RANBP2: variants seen among roughly 807,000 people sequenced by gnomAD.
RANBP2 encodes the protein RAN binding protein 2, also known as E3 SUMO-protein ligase RanBP2.
A neutral mutation model predicts 303.6 loss-of-function variants in RANBP2; 57 were observed. The ratio of observed to expected loss-of-function variants is 0.19; its 90% CI spans 0.15 to 0.23. RANBP2 has a LOEUF of 0.23. RANBP2 is among the 10% of genes least tolerant of loss of function. The probability of loss-of-function intolerance (pLI) is 1.00; values close to 1 mark genes in which losing one functional copy is unlikely to be tolerated. For missense variants in RANBP2, 3,138 were observed against 3,780.8 expected (o/e 0.83, Z 4.46); for synonymous variants, 1,167 against 1,301.5 (o/e 0.90, Z 2.23).
chr2:108,985,694 G>C, the RANBP2 span, among the ~76,000 whole-genome samples: 1 of 152,172 alleles, frequency 6.6e-6, no homozygotes. Flanking sequence ...TGGGCATCCA[G>C]CATTTGAGAA....
chr2:109,479,321 G>A, the RANBP2 span, among the ~76,000 whole-genome samples: 2 of 152,148 alleles, frequency 1.3e-5, no homozygotes, highest in Admixed American at 1.3e-4. Context: ...TTTTGTAGAG[G>A]GGGGCTAGTG....
chr2:109,483,323 C>T, the RANBP2 span, among the ~76,000 whole-genome samples: 1 of 152,236 alleles, frequency 6.6e-6, no homozygotes, highest in Non-Finnish European at 1.5e-5. Flanking sequence ...TCTAAAGTTT[C>T]CTGCAAGCCC....
At chr2:108,984,027 G>C in the RANBP2 span, among the ~76,000 whole-genome samples, 1 of 152,200 alleles carries the variant, frequency 6.6e-6, no homozygotes, top group Non-Finnish European at 1.5e-5. Flanking sequence ...TTCTTTCTCT[G>C]CACAACTTAT....
the RANBP2 span, among the ~76,000 whole-genome samples, chr2:108,938,391 C>T: frequency 6.6e-6 from 1 of 152,184 alleles, no homozygotes; most frequent in Admixed American, 6.5e-5. Flanking sequence ...CACTTGTACA[C>T]AGAACTGGGG....
At chr2:109,384,196 C>T in the RANBP2 span, among the ~76,000 whole-genome samples, 3,111 of 152,276 alleles carry the variant, frequency 0.02, 100 homozygotes, top group African/African-American at 0.071. Flanking sequence ...GCGCCGGCTG[C>T]GGGCCAGGCC....
chr2:109,502,570 C>A, the RANBP2 span: 1 of 152,078 alleles, frequency 6.6e-6, no homozygotes, highest in South Asian at 2.1e-4. Context: ...TGGGGGCTGG[C>A]GGGGTGGATC....
the RANBP2 span, among the ~76,000 whole-genome samples, chr2:109,108,108 T>C: frequency 6.6e-6 from 1 of 152,232 alleles, no homozygotes; most frequent in South Asian, 2.1e-4. Context: ...GGTTTCACCA[T>C]GTTAGCCAGG....
the RANBP2 span, among the ~76,000 whole-genome samples, chr2:108,902,062 A>G: frequency 6.6e-6 from 1 of 152,166 alleles, no homozygotes; most frequent in Non-Finnish European, 1.5e-5. Flanking sequence ...ACATGGTGAA[A>G]CCCCATATCT....
chr2:108,727,053 A>G (rs1024378153), intron 1 of RANBP2, among the ~76,000 whole-genome samples: 1 of 152,122 alleles, frequency 6.6e-6, no homozygotes, highest in Non-Finnish European at 1.5e-5. Context: ...AGACACGGCA[A>G]CCATCCGATT....
At chr2:109,569,596 A>T in the RANBP2 span, among the ~76,000 whole-genome samples, 1 of 152,172 alleles carries the variant, frequency 6.6e-6, no homozygotes, top group East Asian at 1.9e-4. Flanking sequence ...GATGGCAGAA[A>T]ACTTTCCAGC....
chr2:109,622,302 C>T, the RANBP2 span, among the ~76,000 whole-genome samples: 1 of 152,300 alleles, frequency 6.6e-6, no homozygotes, highest in South Asian at 2.1e-4. Flanking sequence ...TTGTGGGAAG[C>T]CCTAGTGGTA....
the RANBP2 span, among the ~76,000 whole-genome samples, chr2:109,299,614 G>A: frequency 9.9e-5 from 15 of 152,138 alleles, no homozygotes; most frequent in Admixed American, 7.2e-4. Flanking sequence ...CCTTGCATGA[G>A]CTCACAGGAA....
At chr2:109,667,165 C>A in the RANBP2 span, 1 of 1,326,726 alleles carries the variant, frequency 7.5e-7, no homozygotes, top group South Asian at 1.2e-5. Context: ...CATTTTAATT[C>A]ACTGCACATT....
chr2:109,216,897 T>G, the RANBP2 span, among the ~76,000 whole-genome samples: 1 of 152,226 alleles, frequency 6.6e-6, no homozygotes, highest in African/African-American at 2.4e-5. Flanking sequence ...TTCAGAACTC[T>G]TTTCGTCTTC....
At chr2:108,952,595 C>A in the RANBP2 span, among the ~76,000 whole-genome samples, 4 of 152,218 alleles carry the variant, frequency 2.6e-5, no homozygotes, top group African/African-American at 9.7e-5. Context: ...TGCTGAGATT[C>A]TCCATCTGTT....
chr2:109,511,084 CAGTTAACCAACTCGCCTCAGGA>C, the RANBP2 span, among the ~76,000 whole-genome samples: 1 of 152,184 alleles, frequency 6.6e-6, no homozygotes, highest in Non-Finnish European at 1.5e-5. Context: ...AGGCAGAGAG[CAGTTAACCAACTCGCCTCAGGA>C]AGGGGCAAAG....
the RANBP2 span, among the ~76,000 whole-genome samples, chr2:109,211,851 C>T: frequency 6.6e-6 from 1 of 152,148 alleles, no homozygotes; most frequent in East Asian, 1.9e-4. Context: ...CCATGTTGGC[C>T]AGGCTGGTTT....
At chr2:109,219,301 G>A in the RANBP2 span, among the ~76,000 whole-genome samples, 1 of 127,320 alleles carries the variant, frequency 7.9e-6, no homozygotes, top group Admixed American at 8.7e-5. Context: ...AAAACATTTT[G>A]TGTAATTACA....
chr2:108,870,788 A>G, the RANBP2 span, among the ~76,000 whole-genome samples: 1 of 152,210 alleles, frequency 6.6e-6, no homozygotes, highest in Non-Finnish European at 1.5e-5. Flanking sequence ...AAATAAGTAG[A>G]TTGGTGATTG....
Sources: allele counts gnomAD v4.1 joint callset (sites outside exome capture counted in the v4.1 genomes callset), GRCh38; gene constraint gnomAD v4.1.1; transcripts MANE v1.5; gene names NCBI Gene and HGNC (gene_info 2026-07-23, HGNC 2026-07-21).